DACH2: variants seen among roughly 807,000 people sequenced by gnomAD.
DACH2 encodes the protein dachshund homolog 2.
Under a neutral mutation model 35.8 loss-of-function variants are expected in DACH2, and 17 were observed. The ratio of observed to expected loss-of-function variants is 0.48; its 90% CI spans 0.33 to 0.71. The LOEUF (loss-of-function observed/expected upper bound fraction) is 0.71. DACH2 is among the 30% of genes least tolerant of loss of function. The pLI is 0.02. For missense variants in DACH2, 469 were observed against 472.7 expected, an observed-to-expected ratio of 0.99 and a Z score of 0.07; for synonymous variants, 195 against 177.3, an observed-to-expected ratio of 1.10 and a Z score of -0.79.
intron 1 of DACH2, among the ~76,000 whole-genome samples, chrX:86,289,759 T>C (rs1760974441): frequency 9.1e-6 from 1 of 109,740 alleles, no homozygotes. Context: ...ACTCATCATT[T>C]TTTATGGCTG....
At chrX:86,817,164 G>T (rs967883885) in intron 11 of DACH2, among the ~76,000 whole-genome samples, 1 of 111,942 alleles carries the variant, frequency 8.9e-6, no homozygotes, top group East Asian at 2.8e-4. Flanking sequence ...TTGCAGGTGG[G>T]TAGACCTAAC....
intron 4 of DACH2, among the ~76,000 whole-genome samples, chrX:86,657,969 T>C (rs58435310): frequency 0.29 from 32,310 of 110,782 alleles, 3,668 homozygotes; most frequent in Admixed American, 0.49. Context: ...CATTGATTCT[T>C]GCCATTTAAT....
chrX:86,765,698 G>GTTTTTTTTTTTTTTTTTTTTTTTTTTT (rs60709865), intron 7 of DACH2, among the ~76,000 whole-genome samples: 2 of 24,639 alleles, frequency 8.1e-5, no homozygotes, highest in Non-Finnish European at 6.5e-5. Flanking sequence ...TTGTTTTTTG[G>GTTTTTTTTTTTTTTTTTTTTTTTTTTT]TTTTTTTTTT....
chrX:86,523,015 C>T (rs1007591332), intron 3 of DACH2, among the ~76,000 whole-genome samples: 5 of 111,668 alleles, frequency 4.5e-5, no homozygotes, highest in African/African-American at 9.7e-5. Context: ...AAGATTTAAA[C>T]GGACAGCTTA....
At chrX:86,732,644 A>G (rs1337887283) in intron 6 of DACH2, among the ~76,000 whole-genome samples, 1 of 112,160 alleles carries the variant, frequency 8.9e-6, no homozygotes, top group Non-Finnish European at 1.9e-5. Context: ...GCTAATTGTA[A>G]CTACTTCATA....
intron 1 of DACH2, among the ~76,000 whole-genome samples, chrX:86,213,189 C>A (rs1359715927): frequency 9.0e-6 from 1 of 111,296 alleles, no homozygotes; most frequent in Non-Finnish European, 1.9e-5. Flanking sequence ...TGAGCATAAT[C>A]AAGGGGCCAA....
chrX:86,207,050 A>C (rs1461737863), intron 1 of DACH2, among the ~76,000 whole-genome samples: 1 of 111,692 alleles, frequency 9.0e-6, no homozygotes, highest in African/African-American at 3.3e-5. Flanking sequence ...AATAGTATAC[A>C]TTTTCAAGTT....
chrX:86,649,133 G>A (rs1487891371), intron 3 of DACH2, among the ~76,000 whole-genome samples: 1 of 110,542 alleles, frequency 9.0e-6, no homozygotes, highest in Non-Finnish European at 1.9e-5. Context: ...TCTTTTGTAC[G>A]AATTAAAAAT....
intron 10 of DACH2, 134 bp downstream of exon 10, chrX:86,814,968 C>T (rs1476004056): frequency 2.9e-6 from 2 of 695,041 alleles, no homozygotes; most frequent in African/African-American, 4.4e-5. Flanking sequence ...CATATTTTGT[C>T]CAGGAATGAT....
chrX:86,445,558 A>C (rs1188937913), intron 2 of DACH2, among the ~76,000 whole-genome samples: 4 of 52,111 alleles, frequency 7.7e-5, no homozygotes, highest in Non-Finnish European at 1.3e-4. Flanking sequence ...AACTACCATC[A>C]GAGTGAACAA....
chrX:86,491,280 C>A (rs886642403), intron 2 of DACH2, among the ~76,000 whole-genome samples: 3 of 111,811 alleles, frequency 2.7e-5, no homozygotes, highest in Admixed American at 9.5e-5. Context: ...CACTTCTTAA[C>A]AGAATGGTTG....
At chrX:86,585,587 G>C (rs1231650137) in intron 3 of DACH2, among the ~76,000 whole-genome samples, 1 of 110,278 alleles carries the variant, frequency 9.1e-6, no homozygotes, top group East Asian at 2.9e-4. Context: ...GTAGGCCCTG[G>C]TGTCTATTGT....
At chrX:86,756,984 GATC>G (rs1047020178) in intron 7 of DACH2, among the ~76,000 whole-genome samples, 1 of 111,125 alleles carries the variant, frequency 9.0e-6, no homozygotes, top group African/African-American at 3.3e-5. Flanking sequence ...CTATTGAGAT[GATC>G]ATATTTTTTA....
At chrX:86,527,930 A>T (rs541872991) in intron 3 of DACH2, among the ~76,000 whole-genome samples, 10 of 111,955 alleles carry the variant, frequency 8.9e-5, no homozygotes, top group African/African-American at 3.2e-4. Context: ...TCCTGTCTAG[A>T]AGCGGATTTT....
intron 3 of DACH2, among the ~76,000 whole-genome samples, chrX:86,546,357 C>CTCTTCTTCTTCTTCTTCCTCT (rs2038959764): frequency 2.0e-5 from 1 of 50,073 alleles, no homozygotes; most frequent in Non-Finnish European, 3.3e-5. Flanking sequence ...CTTCTTCTTC[C>CTCTTCTTCTTCTTCTTCCTCT]TCTTCTTCTT....
At chrX:86,270,558 G>A (rs6524611) in intron 1 of DACH2, among the ~76,000 whole-genome samples, 46,323 of 110,402 alleles carry the variant, frequency 0.42, 7,070 homozygotes, top group East Asian at 0.57. Context: ...GGTGGGATTC[G>A]TTTCATGCCA....
intron 1 of DACH2, among the ~76,000 whole-genome samples, chrX:86,223,388 T>C (rs1172322800): frequency 9.0e-6 from 1 of 111,599 alleles, no homozygotes; most frequent in Non-Finnish European, 1.9e-5. Flanking sequence ...TTTTTCTTGG[T>C]GTCTTTAAAT....
rs777822749 is a variant in DACH2 at position 86,183,800 on chromosome X, G to A, written c.488+34692G>A. Among the ~76,000 whole-genome samples, 152 of 111,361 alleles carry A rather than the reference G, an allele frequency of 1.4e-3. 1 individual carries two copies. In the Middle Eastern group the frequency reaches 0.019, roughly 14 times the overall value. On this transcript the variant is annotated intron_variant, in intron 1 of 11. Coordinates refer to ENST00000373125, the MANE Select transcript of DACH2 (RefSeq NM_053281.3). Reference sequence around the variant, plus strand: ...GTATAATTCGGGTGTGAATCCGTCCGGTCTTGGGCTTTTTTTGGTTGGTAG... The same window carrying A: ...GTATAATTCGGGTGTGAATCCGTCCAGTCTTGGGCTTTTTTTGGTTGGTAG...
intron 4 of DACH2, among the ~76,000 whole-genome samples, chrX:86,667,544 A>AT (rs2040703523): frequency 2.7e-5 from 1 of 36,641 alleles, no homozygotes; most frequent in Non-Finnish European, 4.9e-5. Flanking sequence ...AAAGAAAGAA[A>AT]GAAGAAAGAA....
Sources: allele counts gnomAD v4.1 joint callset (sites outside exome capture counted in the v4.1 genomes callset), GRCh38; gene constraint gnomAD v4.1.1; transcripts MANE v1.5; gene names NCBI Gene and HGNC (gene_info 2026-07-23, HGNC 2026-07-21).